The following COX15 variants were observed in gnomAD, a reference collection of about 807,000 sequenced individuals.
COX15 encodes cytochrome c oxidase assembly factor COX15.
In COX15, 51 loss-of-function variants were observed where a neutral mutation model predicts 51.9. The observed-to-expected ratio is 0.98, with a 90% confidence interval of 0.78 to 1.24. COX15 has a LOEUF of 1.24. Ranked by LOEUF, COX15 falls within the 50% of genes most tolerant of loss-of-function variation. The probability of loss-of-function intolerance (pLI) is 0.00; values close to 1 mark genes in which losing one functional copy is unlikely to be tolerated. For missense variants in COX15, 420 were observed against 501.1 expected, an observed-to-expected ratio of 0.84 and a Z score of 1.55; for synonymous variants, 188 against 190.5, an observed-to-expected ratio of 0.99 and a Z score of 0.11.
chr10:99,719,644 C>A (rs866981466), intron 6 of COX15, among the ~76,000 whole-genome samples: 1 of 151,932 alleles, frequency 6.6e-6, no homozygotes, highest in African/African-American at 2.4e-5. Context: ...GTGAATACCA[C>A]CACACATGGC....
chr10:99,696,136 G>A, the COX15 span: 6 of 1,612,422 alleles, frequency 3.7e-6, no homozygotes. Flanking sequence ...CATTTGATAT[G>A]GGATCTGAGT....
chr10:99,727,055 C>A lies in COX15; in HGVS notation c.495G>T (p.Leu165=), dbSNP rs2036978379. The part of the protein sequence containing the change: ...WGRLVGLVYI[L]PAAYFWRKGW... ...CCTTTCTCCAAAAGTAGGCAGCAGGCAGGATGTACACAAGGCCTACAAGGC... is the reference window on the plus strand; with the variant it reads ...CCTTTCTCCAAAAGTAGGCAGCAGGAAGGATGTACACAAGGCCTACAAGGC... Residue 165 remains leucine, a synonymous_variant, in exon 4 of 9, where the codon CTG becomes CTT. Coordinates refer to ENST00000016171, the MANE Select transcript of COX15 (RefSeq NM_078470.6). 1.2e-6 allele frequency: 2 copies of A among 1,614,070 alleles called. No homozygotes were observed. Among genetic ancestry groups the A allele is most frequent in the Non-Finnish European group, 1.7e-6 (2 of 1,180,046 alleles).
At chr10:99,725,792 C>A (rs1415259433) in intron 4 of COX15, among the ~76,000 whole-genome samples, 1 of 152,016 alleles carries the variant, frequency 6.6e-6, no homozygotes, top group Non-Finnish European at 1.5e-5. Context: ...ACTCCTGATC[C>A]CCCACCTTGG....
intron 5 of COX15, 78 bp downstream of exon 5, chr10:99,723,878 G>T: frequency 6.7e-7 from 1 of 1,500,512 alleles, no homozygotes; most frequent in Non-Finnish European, 9.3e-7. Flanking sequence ...ATATGATCCA[G>T]CAATTCTACT....
chr10:99,699,055 A>T, the COX15 span, among the ~76,000 whole-genome samples: 2 of 152,154 alleles, frequency 1.3e-5, no homozygotes, highest in Non-Finnish European at 2.9e-5. Flanking sequence ...ACTGCCTTCT[A>T]ATTAACTAAA....
chr10:99,732,045 T>G lies in COX15; in HGVS notation c.5A>C (p.Gln2Pro). Residue 2 changes from glutamine (Q) to proline (P), a missense_variant, in exon 1 of 9, where the codon CAG becomes CCG. Coordinates refer to ENST00000016171, the MANE Select transcript of COX15 (RefSeq NM_078470.6). Reference sequence around the variant, plus strand: ...CCTCAACGGCGGAAAGAGCAATCGCTGCATACTGATGACAGGGAACAGCCA... The same window carrying G: ...CCTCAACGGCGGAAAGAGCAATCGCGGCATACTGATGACAGGGAACAGCCA... Reference protein sequence around the residue: MQRLLFPPLRAL... With the variant: MPRLLFPPLRAL... 1 of 1,612,572 alleles carries G rather than the reference T, an allele frequency of 6.2e-7. No individual in the cohort carries two copies. The highest frequency in any genetic ancestry group is 1.3e-5 in the African/African-American group (1 of 75,034).
At chr10:99,709,578 T>C (rs756112583), downstream of COX15, 43 of 983,892 alleles carry the variant, frequency 4.4e-5, 1 homozygote, top group Non-Finnish European at 5.1e-5. Flanking sequence ...CAACAGTGAA[T>C]ATACCTCAAA....
downstream of COX15, chr10:99,708,739 T>C: frequency 1.3e-6 from 1 of 747,456 alleles, no homozygotes; most frequent in South Asian, 6.0e-5. Flanking sequence ...AAGCTTCTGG[T>C]CAACCCCCTT....
At chr10:99,729,855 C>T (rs2037082746) in intron 1 of COX15, 121 bp from the exon 2 acceptor site, 2 of 972,892 alleles carry the variant, frequency 2.1e-6, no homozygotes, top group Admixed American at 4.0e-5. Flanking sequence ...CTTGTTAAGT[C>T]ATCATCTCTT....
chr10:99,706,395 G>A (rs184465445), downstream of COX15, among the ~76,000 whole-genome samples: 42 of 151,566 alleles, frequency 2.8e-4, no homozygotes, highest in East Asian at 7.7e-3. Flanking sequence ...GTGCAGTTGT[G>A]CAACATCATG....
intron 4 of COX15, among the ~76,000 whole-genome samples, chr10:99,725,048 C>T (rs888486743): frequency 2.0e-5 from 3 of 152,150 alleles, no homozygotes; most frequent in Non-Finnish European, 2.9e-5. Context: ...TGGTAATGAA[C>T]GTACAGATTT....
At chr10:99,725,143 C>A (rs748820530) in intron 4 of COX15, among the ~76,000 whole-genome samples, 4 of 152,172 alleles carry the variant, frequency 2.6e-5, no homozygotes, top group Non-Finnish European at 5.9e-5. Flanking sequence ...ATTGTTAGTT[C>A]CAATCATATG....
At chr10:99,704,468 G>A in the COX15 span, 1 of 1,614,092 alleles carries the variant, frequency 6.2e-7, no homozygotes, top group African/African-American at 1.3e-5. Context: ...TCGGCAGGAA[G>A]GTGTCCGACA....
chr10:99,712,871 C>G lies in COX15; in HGVS notation c.*1716G>C. On this transcript the variant is annotated 3_prime_UTR_variant, in exon 9 of 9. Transcript: ENST00000016171. ...TGCCAGCTCTGCAGCATAATGGAAG[C>G]TCATTCCCTCTTCTGCATGAGACGG... is the stretch of plus-strand genomic sequence containing the variant. The G allele has an allele frequency of 2.4e-6, 1 of 418,620 alleles. No individual in the cohort carries two copies. The highest frequency in any genetic ancestry group is 3.2e-6 in the Non-Finnish European group (1 of 310,118). 25.9% of individuals were successfully genotyped at this position (418,620 alleles called of 1,614,324 possible).
chr10:99,698,624 C>G, the COX15 span: 2 of 1,614,196 alleles, frequency 1.2e-6, no homozygotes, highest in Non-Finnish European at 8.5e-7. Context: ...TGGAGAGGAA[C>G]AGCCAAGTCT....
chr10:99,704,915 G>A, the COX15 span: 1 of 547,662 alleles, frequency 1.8e-6, no homozygotes, highest in African/African-American at 1.9e-5. Context: ...GCTAATACGG[G>A]GGACCAAGCT....
intron 8 of COX15, 68 bp from the exon 9 acceptor site, chr10:99,714,786 G>T (rs528818574): frequency 1.9e-6 from 3 of 1,604,378 alleles, no homozygotes; most frequent in East Asian, 4.5e-5. Flanking sequence ...ATGGCCAGGC[G>T]TGGATAACCA....
the COX15 span, among the ~76,000 whole-genome samples, chr10:99,701,255 CAG>C: frequency 6.6e-6 from 1 of 151,464 alleles, no homozygotes; most frequent in African/African-American, 2.4e-5. Context: ...GGTTACCAAA[CAG>C]AGTTCTCAAC....
Position 99,732,041 on chromosome 10 carries a change from T to C in COX15, c.9A>G (p.Arg3=). 7 of 1,612,906 alleles carry C rather than the reference T, an allele frequency of 4.3e-6. No individual in the cohort carries two copies. The highest frequency in any genetic ancestry group is 5.9e-6 in the Non-Finnish European group (7 of 1,179,624). ...AGGCCCTCAACGGCGGAAAGAGCAA[T>C]CGCTGCATACTGATGACAGGGAACA... is the stretch of plus-strand genomic sequence containing the variant. MQ[R]LLFPPLRALK... Residue 3 remains arginine, a synonymous_variant, in exon 1 of 9, where the codon CGA becomes CGG. Transcript: ENST00000016171.
Sources: allele counts gnomAD v4.1 joint callset (sites outside exome capture counted in the v4.1 genomes callset), GRCh38; gene constraint gnomAD v4.1.1; transcripts MANE v1.5; gene names NCBI Gene and HGNC (gene_info 2026-07-23, HGNC 2026-07-21).